Variants in DDAH1 observed in about 807,000 individuals in gnomAD.
The protein encoded by DDAH1 is N(G),N(G)-dimethylarginine dimethylaminohydrolase 1.
In DDAH1, 19 loss-of-function variants were observed where a neutral mutation model predicts 28.8. The ratio of observed to expected loss-of-function variants is 0.66; its 90% confidence interval spans 0.46 to 0.97. The LOEUF (loss-of-function observed/expected upper bound fraction) is 0.97, where lower values mean the gene tolerates loss of function less well. Among genes scored for constraint, DDAH1 ranks in the 50% least tolerant of loss-of-function variants. The pLI, the probability that DDAH1 is intolerant of heterozygous loss-of-function variation, is 0.00. For synonymous variants in DDAH1, 153 were observed against 154.4 expected, an observed-to-expected ratio of 0.99 and a Z score of 0.07; for missense variants, 326 against 375.9, an observed-to-expected ratio of 0.87 and a Z score of 1.10.
intron 4 of DDAH1, among the ~76,000 whole-genome samples, chr1:85,348,882 G>A (rs1649025582): frequency 6.6e-6 from 1 of 152,164 alleles, no homozygotes; most frequent in South Asian, 2.1e-4. Flanking sequence ...TACCCAGAAT[G>A]GCAGAAGGGG....
chr1:85,402,288 A>T (rs1322445160), intron 1 of DDAH1, among the ~76,000 whole-genome samples: 1 of 151,094 alleles, frequency 6.6e-6, no homozygotes, highest in African/African-American at 2.4e-5. Context: ...GGTGTGAGCC[A>T]CTGTGCCCAG....
intron 1 of DDAH1, among the ~76,000 whole-genome samples, chr1:85,411,941 C>A (rs1652669763): frequency 6.6e-6 from 1 of 152,168 alleles, no homozygotes; most frequent in Non-Finnish European, 1.5e-5. Flanking sequence ...AACCTCCAAT[C>A]TACCAAGGCC....
chr1:85,460,623 G>T (rs191212130), intron 1 of DDAH1, among the ~76,000 whole-genome samples: 89 of 152,196 alleles, frequency 5.8e-4, no homozygotes, highest in African/African-American at 2.0e-3. Flanking sequence ...GGGCAAAAGG[G>T]CCTTTTGCAA....
At chr1:85,506,029 T>A (rs1657005373) in intron 1 of DDAH1, among the ~76,000 whole-genome samples, 1 of 152,182 alleles carries the variant, frequency 6.6e-6, no homozygotes, top group Non-Finnish European at 1.5e-5. Context: ...ATGTATAAAA[T>A]GTGGCTATTA....
intron 1 of DDAH1, among the ~76,000 whole-genome samples, chr1:85,502,161 C>G (rs542918420): frequency 3.6e-4 from 55 of 152,294 alleles, no homozygotes; most frequent in African/African-American, 1.3e-3. Context: ...ACGATCATGT[C>G]ACTTCCATAT....
chr1:85,367,498 T>C (rs1009585169), intron 1 of DDAH1, among the ~76,000 whole-genome samples: 5 of 152,170 alleles, frequency 3.3e-5, no homozygotes, highest in African/African-American at 1.2e-4. Context: ...CATAACACTA[T>C]CATTAATAAT....
intron 1 of DDAH1, among the ~76,000 whole-genome samples, chr1:85,375,650 C>T (rs1018740358): frequency 1.3e-5 from 2 of 152,036 alleles, no homozygotes; most frequent in Admixed American, 1.3e-4. Flanking sequence ...ACCAACTTGC[C>T]CAGTTTCATT....
chr1:85,396,987 T>C (rs1651845600), intron 1 of DDAH1, among the ~76,000 whole-genome samples: 1 of 151,096 alleles, frequency 6.6e-6, no homozygotes, highest in African/African-American at 2.4e-5. Flanking sequence ...CAGTGAGCCA[T>C]GATCACATCA....
At chr1:85,376,603 G>C (rs1036703265) in intron 1 of DDAH1, among the ~76,000 whole-genome samples, 21 of 151,814 alleles carry the variant, frequency 1.4e-4, no homozygotes, top group African/African-American at 5.1e-4. Context: ...TTTGGAATAA[G>C]CTGTCTGTGT....
chr1:85,377,133 C>T (rs1174413204), intron 1 of DDAH1, among the ~76,000 whole-genome samples: 15 of 152,114 alleles, frequency 9.9e-5, no homozygotes, highest in Admixed American at 9.8e-4. Flanking sequence ...AGGTGACCAA[C>T]TCCCAGTAGG....
chr1:85,453,650 T>A (rs1029831772), intron 1 of DDAH1, among the ~76,000 whole-genome samples: 5 of 152,232 alleles, frequency 3.3e-5, no homozygotes, highest in African/African-American at 9.6e-5. Context: ...ATATATACTT[T>A]GTCAGAATGA....
At chr1:85,393,149 T>A (rs1451481379) in intron 1 of DDAH1, among the ~76,000 whole-genome samples, 3 of 152,170 alleles carry the variant, frequency 2.0e-5, no homozygotes, top group Non-Finnish European at 2.9e-5. Context: ...TTAATAGCAA[T>A]AACAACATCA....
At chr1:85,435,809 C>G (rs893690779) in intron 1 of DDAH1, among the ~76,000 whole-genome samples, 8 of 151,932 alleles carry the variant, frequency 5.3e-5, no homozygotes, top group African/African-American at 1.9e-4. Context: ...TTGAGACAGT[C>G]TCTCTTTCTC....
At chr1:85,384,341 G>T (rs745691671) in intron 1 of DDAH1, among the ~76,000 whole-genome samples, 1 of 152,092 alleles carries the variant, frequency 6.6e-6, no homozygotes, top group Non-Finnish European at 1.5e-5. Context: ...CCAGTACTCT[G>T]CCCTGCAAAT....
intron 1 of DDAH1, among the ~76,000 whole-genome samples, chr1:85,462,806 G>A (rs904674445): frequency 6.6e-6 from 1 of 152,198 alleles, no homozygotes. Context: ...GCAAAGGCAG[G>A]CACCAGCAGG....
intron 1 of DDAH1, among the ~76,000 whole-genome samples, chr1:85,445,686 T>A (rs150412003): frequency 5.3e-5 from 8 of 152,174 alleles, no homozygotes; most frequent in Admixed American, 2.0e-4. Flanking sequence ...ACATGGCTCA[T>A]TGAAGCCTTG....
intron 1 of DDAH1, among the ~76,000 whole-genome samples, chr1:85,542,959 G>C (rs1467059730): frequency 1.3e-5 from 2 of 152,184 alleles, no homozygotes; most frequent in Non-Finnish European, 2.9e-5. Context: ...GGAGGAGACT[G>C]AGGTTCAGTA....
chr1:85,404,639 G>T (rs973268989), intron 1 of DDAH1: 4 of 726,572 alleles, frequency 5.5e-6, no homozygotes, highest in Middle Eastern at 4.6e-4. Flanking sequence ...TGATACTGTA[G>T]ACTCAAGTAT....
intron 1 of DDAH1, among the ~76,000 whole-genome samples, chr1:85,419,448 G>T (rs1653033699): frequency 6.8e-6 from 1 of 146,648 alleles, no homozygotes; most frequent in Admixed American, 7.0e-5. Flanking sequence ...GCTGAGACAG[G>T]AGAATCACTT....
Sources: gnomAD v4.1 joint callset for allele counts (sites outside exome capture counted in the v4.1 genomes callset) on GRCh38, gnomAD v4.1.1 for gene constraint, MANE v1.5 for transcripts, NCBI Gene and HGNC (gene_info 2026-07-23, HGNC 2026-07-21) for gene names.